Variants in ANKRD30BL observed in about 807,000 individuals in gnomAD.
ANKRD30BL encodes the protein putative ankyrin repeat domain-containing protein 30B-like.
ANKRD30BL carries 20 observed loss-of-function variants against 18.4 expected under a neutral mutation model. That is an observed-to-expected ratio of 1.09 (90% CI 0.77 to 1.58). The LOEUF (loss-of-function observed/expected upper bound fraction) is 1.58, where lower values mean the gene tolerates loss of function less well. Among genes scored for constraint, ANKRD30BL ranks in the 40% most tolerant of loss-of-function variants. The probability of loss-of-function intolerance (pLI) is 0.00; values close to 1 mark genes in which losing one functional copy is unlikely to be tolerated. For missense variants in ANKRD30BL, 224 were observed against 268.6 expected, an observed-to-expected ratio of 0.83 and a Z score of 1.16; for synonymous variants, 72 against 100.9, an observed-to-expected ratio of 0.71 and a Z score of 1.72.
intron 1 of ANKRD30BL, among the ~76,000 whole-genome samples, chr2:132,235,971 G>A (rs1573875072): frequency 2.0e-5 from 3 of 152,144 alleles, no homozygotes; most frequent in Admixed American, 2.0e-4. Context: ...AAACAGCATG[G>A]TACTGGTACC....
chr2:132,208,466 G>A (rs547054745), intron 1 of ANKRD30BL, among the ~76,000 whole-genome samples: 22 of 152,104 alleles, frequency 1.4e-4, no homozygotes, highest in Admixed American at 8.5e-4. Context: ...CATATCAACC[G>A]GATGCTGTCC....
At chr2:132,231,109 T>C (rs1172013038) in intron 1 of ANKRD30BL, among the ~76,000 whole-genome samples, 2 of 151,982 alleles carry the variant, frequency 1.3e-5, no homozygotes, top group African/African-American at 4.8e-5. Flanking sequence ...AGTCTGCAAG[T>C]GAACATTTGG....
At chr2:132,161,991 A>G (rs562373066), upstream of ANKRD30BL, 26 of 318,540 alleles carry the variant, frequency 8.2e-5, no homozygotes, top group Non-Finnish European at 1.5e-4. Flanking sequence ...CCTGGGAGAC[A>G]CGCGAGGCAG....
chr2:132,216,566 T>G (rs568985587), intron 1 of ANKRD30BL, among the ~76,000 whole-genome samples: 8 of 152,282 alleles, frequency 5.3e-5, no homozygotes, highest in East Asian at 3.9e-4. Flanking sequence ...AGAAACTTCT[T>G]CGTGATGTGT....
At chr2:132,183,086 T>C (rs1225465375) in intron 1 of ANKRD30BL, among the ~76,000 whole-genome samples, 3 of 151,928 alleles carry the variant, frequency 2.0e-5, no homozygotes, top group African/African-American at 2.4e-5. Context: ...AGAGTCTTTT[T>C]TCATGAGGCA....
chr2:132,255,042 G>A (rs1355751103), intron 1 of ANKRD30BL, among the ~76,000 whole-genome samples: 1 of 152,052 alleles, frequency 6.6e-6, no homozygotes, highest in African/African-American at 2.4e-5. Flanking sequence ...ACTCCCCTCG[G>A]AACCCAAAAA....
intron 1 of ANKRD30BL, among the ~76,000 whole-genome samples, chr2:132,178,113 A>G (rs1688396463): frequency 1.3e-5 from 2 of 152,354 alleles, no homozygotes; most frequent in South Asian, 4.1e-4. Context: ...ATTCACCAGT[A>G]AGTTTAAGTC....
intron 1 of ANKRD30BL, among the ~76,000 whole-genome samples, chr2:132,224,382 C>T (rs927418304): frequency 6.6e-6 from 1 of 151,752 alleles, no homozygotes; most frequent in African/African-American, 2.4e-5. Context: ...GTTGAACATA[C>T]CATTTCATAG....
At chr2:132,234,032 T>C (rs1327968086) in intron 1 of ANKRD30BL, among the ~76,000 whole-genome samples, 1 of 152,062 alleles carries the variant, frequency 6.6e-6, no homozygotes, top group Non-Finnish European at 1.5e-5. Flanking sequence ...ATTAAGAATC[T>C]CACTCAAAAC....
chr2:132,240,088 T>C (rs1680271819), intron 1 of ANKRD30BL, among the ~76,000 whole-genome samples: 1 of 151,750 alleles, frequency 6.6e-6, no homozygotes, highest in Non-Finnish European at 1.5e-5. Context: ...AACACTCTTT[T>C]AGTAGAATCT....
At chr2:132,185,575 G>A (rs1356790313) in intron 1 of ANKRD30BL, among the ~76,000 whole-genome samples, 1 of 152,136 alleles carries the variant, frequency 6.6e-6, no homozygotes, top group East Asian at 1.9e-4. Flanking sequence ...TAAATGTGAT[G>A]GTTATTAAAG....
intron 1 of ANKRD30BL, among the ~76,000 whole-genome samples, chr2:132,191,681 T>C (rs948216084): frequency 1.8e-4 from 28 of 152,010 alleles, no homozygotes; most frequent in Non-Finnish European, 4.0e-4. Context: ...TGTCATCTAC[T>C]CAAATCTCTT....
At chr2:132,202,035 C>G (rs1023050525) in intron 1 of ANKRD30BL, among the ~76,000 whole-genome samples, 2 of 151,970 alleles carry the variant, frequency 1.3e-5, no homozygotes, top group African/African-American at 4.8e-5. Flanking sequence ...AGTAAACTAT[C>G]GCAAGAACAA....
intron 1 of ANKRD30BL, among the ~76,000 whole-genome samples, chr2:132,236,411 C>G (rs1183251467): frequency 1.3e-5 from 2 of 152,028 alleles, no homozygotes; most frequent in Non-Finnish European, 2.9e-5. Context: ...CTACAATGAA[C>G]TCAAACAAAT....
At chr2:132,229,727 A>T (rs2104780895) in intron 1 of ANKRD30BL, among the ~76,000 whole-genome samples, 1 of 150,496 alleles carries the variant, frequency 6.6e-6, no homozygotes, top group South Asian at 2.1e-4. Context: ...TGAAAAACTC[A>T]TTTGGTAGAA....
intron 1 of ANKRD30BL, among the ~76,000 whole-genome samples, chr2:132,167,721 G>T: frequency 6.6e-6 from 1 of 152,102 alleles, no homozygotes; most frequent in South Asian, 2.1e-4. Flanking sequence ...AAAAATTTGC[G>T]GTGGTTTTCT....
intron 1 of ANKRD30BL, among the ~76,000 whole-genome samples, chr2:132,195,617 C>T (rs569280277): frequency 4.0e-4 from 60 of 150,846 alleles, no homozygotes; most frequent in Non-Finnish European, 7.2e-4. Context: ...ACCGTGAAAC[C>T]CCATCTCTAC....
chr2:132,201,497 T>C (rs1004245828), intron 1 of ANKRD30BL, among the ~76,000 whole-genome samples: 115 of 152,140 alleles, frequency 7.6e-4, no homozygotes, highest in Non-Finnish European at 1.5e-3. Context: ...GAACAGACAC[T>C]TCTCAAAAGA....
chr2:132,222,714 C>G (rs1023467770), intron 1 of ANKRD30BL, among the ~76,000 whole-genome samples: 17 of 151,696 alleles, frequency 1.1e-4, no homozygotes, highest in Non-Finnish European at 2.2e-4. Context: ...GCCGCAGGGT[C>G]CTCTGCCTAG....
Sources: allele counts gnomAD v4.1 joint callset (sites outside exome capture counted in the v4.1 genomes callset), GRCh38; gene constraint gnomAD v4.1.1; transcripts MANE v1.5; gene names NCBI Gene and HGNC (gene_info 2026-07-23, HGNC 2026-07-21).